Variants in R3HDML observed in about 807,000 individuals in gnomAD.
The protein encoded by R3HDML is R3H domain containing like.
R3HDML carries 21 observed loss-of-function variants against 24.2 expected under a neutral mutation model. The ratio of observed to expected loss-of-function variants is 0.87; its 90% CI spans 0.62 to 1.25. The LOEUF is 1.25. Ranked by LOEUF, R3HDML falls within the 50% of genes most tolerant of loss-of-function variation. The pLI is 0.00. For synonymous variants in R3HDML, 133 were observed against 131.5 expected (o/e 1.01, Z -0.08); for missense variants, 301 against 340.3 (o/e 0.88, Z 0.91).
Position 44,350,887 on chromosome 20 carries a change from GAT to G in R3HDML, c.*98_*99del. ...TGGAGAAATAATTGTTTCTTTAAAG[GAT>G]ATGAGTTAGAATCACCCCCTGTTGA... On this transcript the variant is annotated 3_prime_UTR_variant, in exon 5 of 5. Transcript: ENST00000217043. 6.8e-7 allele frequency: 1 copy of G among 1,462,278 alleles called. No homozygotes were observed. Among genetic ancestry groups the G allele is most frequent in the Admixed American group, 2.0e-5 (1 of 49,622 alleles). 90.6% of individuals were successfully genotyped at this position (1,462,278 alleles called of 1,614,324 possible).
intron 1 of R3HDML, among the ~76,000 whole-genome samples, chr20:44,340,757 G>A (rs538717955): frequency 9.2e-5 from 14 of 152,232 alleles, no homozygotes; most frequent in Admixed American, 2.6e-4. Context: ...AGTGAGCTGC[G>A]ATCGCACCAC....
chr20:44,341,177 A>T lies in R3HDML; in HGVS notation c.262-19A>T. On this transcript the variant is annotated intron_variant, in intron 1 of 4. Coordinates refer to ENST00000217043, the MANE Select transcript of R3HDML (RefSeq NM_178491.4). The stretch of plus-strand genomic sequence containing the variant: ...GGTGGCAATTCCCCTGGGGAATTTC[A>T]TTGCCTTTCTTTCCCCAGGTCTGGG... 6.3e-7 allele frequency: 1 copy of T among 1,595,912 alleles called. No homozygotes were observed. The highest frequency in any genetic ancestry group is 8.6e-7 in the Non-Finnish European group (1 of 1,167,048).
At chr20:44,338,017 C>G (rs2062762390) in intron 1 of R3HDML, among the ~76,000 whole-genome samples, 1 of 152,176 alleles carries the variant, frequency 6.6e-6, no homozygotes, top group Non-Finnish European at 1.5e-5. Flanking sequence ...AGCTGACCAG[C>G]AGAGGAAGCT....
chr20:44,343,231 C>A, intron 2 of R3HDML, 146 bp from the exon 3 acceptor site: 1 of 943,308 alleles, frequency 1.1e-6, no homozygotes, highest in Non-Finnish European at 1.6e-6. Context: ...GCCTGTGAGG[C>A]AGGGCCACTG....
intron 1 of R3HDML, among the ~76,000 whole-genome samples, chr20:44,339,235 G>C (rs1044646194): frequency 5.3e-5 from 8 of 152,092 alleles, no homozygotes; most frequent in African/African-American, 1.9e-4. Context: ...AGAAAGTTTG[G>C]CTCCCATTTC....
intron 4 of R3HDML, among the ~76,000 whole-genome samples, chr20:44,348,705 G>T (rs1276223866): frequency 6.6e-6 from 1 of 151,812 alleles, no homozygotes; most frequent in African/African-American, 2.4e-5. Context: ...TAGAGACGGG[G>T]GTCTCGCCAT....
intron 1 of R3HDML, among the ~76,000 whole-genome samples, chr20:44,339,543 G>A (rs78514742): frequency 0.011 from 1,599 of 151,828 alleles, 28 homozygotes; most frequent in African/African-American, 0.037. Context: ...AAAGAGCAAG[G>A]TGCAGAATAG....
chr20:44,349,130 G>GTAAAATAAAA (rs1357931029), intron 4 of R3HDML, among the ~76,000 whole-genome samples: 1 of 139,348 alleles, frequency 7.2e-6, no homozygotes, highest in East Asian at 2.0e-4. Flanking sequence ...CTATCTCAAA[G>GTAAAATAAAA]TAAAATAAAA....
In R3HDML at chr20:44,345,260, C is replaced by A; in HGVS notation, c.514-3C>A. The A allele has an allele frequency of 6.2e-7, 1 of 1,613,050 alleles. No homozygotes were observed. Among genetic ancestry groups the A allele is most frequent in the Non-Finnish European group, 8.5e-7 (1 of 1,179,014 alleles). On this transcript the variant is annotated splice_region_variant and splice_polypyrimidine_tract_variant and intron_variant, in intron 3 of 4. Coordinates refer to ENST00000217043, the MANE Select transcript of R3HDML (RefSeq NM_178491.4). ...AGCCCCCTCTGTCTCTGTCCTTCAC[C>A]AGATGGTGTGGGCATCCTCCAATCG...
chr20:44,350,941 A>G lies in R3HDML; in HGVS notation c.*149A>G. 1.2e-6 allele frequency: 1 copy of G among 833,672 alleles called. No homozygotes were observed. The highest frequency in any genetic ancestry group is 1.8e-6 in the Non-Finnish European group (1 of 540,668). 51.6% of individuals were successfully genotyped at this position (833,672 alleles called of 1,614,324 possible). ...TTTTCCCTCCTAGATCCCCTTCTTA[A>G]ATGTCCAACATGGGTCAAAAGAAAA... On this transcript the variant is annotated 3_prime_UTR_variant, in exon 5 of 5. Transcript: ENST00000217043.
chr20:44,343,174 T>C (rs968245564), intron 2 of R3HDML, among the ~76,000 whole-genome samples: 2 of 152,204 alleles, frequency 1.3e-5, no homozygotes, highest in African/African-American at 2.4e-5. Context: ...TTTGAGGACT[T>C]ACCACTTGCC....
chr20:44,344,816 C>CA (rs796903280), intron 3 of R3HDML: 1,896 of 146,760 alleles, frequency 0.013, 30 homozygotes, highest in African/African-American at 0.037. Context: ...TAGTGACTGT[C>CA]AAAAAAAAAA....
At chr20:44,348,730 T>C (rs533818712) in intron 4 of R3HDML, among the ~76,000 whole-genome samples, 3 of 151,990 alleles carry the variant, frequency 2.0e-5, no homozygotes, top group Non-Finnish European at 4.4e-5. Flanking sequence ...CCCAGGCTAG[T>C]CTGGAACTCC....
chr20:44,348,842 G>T (rs2062799240), intron 4 of R3HDML, among the ~76,000 whole-genome samples: 1 of 152,006 alleles, frequency 6.6e-6, no homozygotes, highest in Non-Finnish European at 1.5e-5. Context: ...CCTGCTCACA[G>T]AATTTAAGGA....
Position 44,343,375 on chromosome 20 carries a change from AGGTACC to A in R3HDML, c.383_388del (p.Tyr128_Arg129del), listed in dbSNP as rs1391972184. The A allele has an allele frequency of 6.2e-7, 1 of 1,607,690 alleles. No homozygotes were observed. The highest frequency in any genetic ancestry group is 1.1e-5 in the South Asian group (1 of 89,884). The stretch of plus-strand genomic sequence containing the variant: ...CTTCTTCCGTGTCCCCCGCCTCCCC[AGGTACC>A]GGTCCGTAGTGGATCTCATGAAGTC... On this transcript the variant is annotated splice_acceptor_variant and coding_sequence_variant, in exon 3 of 5. Transcript: ENST00000217043. LOFTEE classifies it high-confidence loss of function.
At chr20:44,348,676 T>G (rs1177954575) in intron 4 of R3HDML, among the ~76,000 whole-genome samples, 1 of 151,634 alleles carries the variant, frequency 6.6e-6, no homozygotes, top group Non-Finnish European at 1.5e-5. Context: ...TATGTTTTGT[T>G]TTTTGTTTTT....
chr20:44,343,404 GT>G lies in R3HDML; in HGVS notation c.409del (p.Ser137ProfsTer109). ...ACCGGTCCGTAGTGGATCTCATGAA[GT>G]CCTGGTCTGAGGAGAAGTGGCATTA... ...QYRSVVDLMK[S>X]WSEEKWHYLF... On this transcript the variant is annotated frameshift_variant, in exon 3 of 5. Coordinates refer to ENST00000217043, the MANE Select transcript of R3HDML (RefSeq NM_178491.4). LOFTEE classifies it high-confidence loss of function. The G allele has an allele frequency of 6.2e-7, 1 of 1,612,858 alleles. No homozygotes were observed. The highest frequency in any genetic ancestry group is 8.5e-7 in the Non-Finnish European group (1 of 1,179,418).
rs568879907 is a variant in R3HDML, at chr20:44,343,366, C to T, written c.381-11C>T. ...CTCACCCAGCTTCTTCCGTGTCCCC[C>T]GCCTCCCCAGGTACCGGTCCGTAGT... On this transcript the variant is annotated splice_polypyrimidine_tract_variant and intron_variant, in intron 2 of 4. Transcript: ENST00000217043. The T allele has an allele frequency of 1.6e-5, 26 of 1,606,814 alleles. No individual in the cohort carries two copies. In the South Asian group the frequency reaches 2.0e-4, roughly 12 times the overall value.
intron 2 of R3HDML, 134 bp from the exon 3 acceptor site, chr20:44,343,243 C>A: frequency 9.1e-7 from 1 of 1,100,480 alleles, no homozygotes; most frequent in Middle Eastern, 2.9e-4. Flanking sequence ...GGGCCACTGC[C>A]CTCATGCTCA....
Sources: gnomAD v4.1 joint callset for allele counts (sites outside exome capture counted in the v4.1 genomes callset) on GRCh38, gnomAD v4.1.1 for gene constraint, MANE v1.5 for transcripts, NCBI Gene and HGNC (gene_info 2026-07-23, HGNC 2026-07-21) for gene names.